ARID4B: variants seen among roughly 807,000 people sequenced by gnomAD.
ARID4B encodes AT-rich interactive domain-containing protein 4B.
A neutral mutation model predicts 147.5 loss-of-function variants in ARID4B; 26 were observed. The ratio of observed to expected loss-of-function variants is 0.18; its 90% CI spans 0.13 to 0.24. The LOEUF (loss-of-function observed/expected upper bound fraction) is 0.24, where lower values mean the gene tolerates loss of function less well. Ranked by LOEUF, ARID4B falls within the 10% of genes least tolerant of loss-of-function variation. ARID4B has a pLI of 1.00. For synonymous variants in ARID4B, 512 were observed against 507.9 expected, an observed-to-expected ratio of 1.01 and a Z score of -0.11; for missense variants, 1,179 against 1,511.5, an observed-to-expected ratio of 0.78 and a Z score of 3.65.
intron 2 of ARID4B, among the ~76,000 whole-genome samples, chr1:235,311,208 C>A (rs1359943446): frequency 1.3e-5 from 2 of 151,806 alleles, no homozygotes; most frequent in East Asian, 3.9e-4. Context: ...TATAAAAAAT[C>A]AACCTATGGT....
intron 2 of ARID4B, among the ~76,000 whole-genome samples, chr1:235,265,509 G>A (rs1670544844): frequency 6.6e-6 from 1 of 151,948 alleles, no homozygotes. Context: ...AACCAGACTG[G>A]GCAACATGGC....
chr1:235,176,437 CAAAAAAAAAAA>C (rs34808765), intron 21 of ARID4B, among the ~76,000 whole-genome samples: 350 of 22,538 alleles, frequency 0.016, 3 homozygotes, highest in African/African-American at 0.03. Context: ...ACAACATCAC[CAAAAAAAAAAA>C]AAAAAAAAAA....
chr1:235,200,162 G>A (rs1299508529), intron 17 of ARID4B, among the ~76,000 whole-genome samples: 1 of 151,482 alleles, frequency 6.6e-6, no homozygotes, highest in African/African-American at 2.4e-5. Context: ...CTAACAAAAA[G>A]ATAAAAATTA....
intron 8 of ARID4B, among the ~76,000 whole-genome samples, chr1:235,236,410 T>A (rs926672089): frequency 2.0e-5 from 3 of 152,068 alleles, no homozygotes; most frequent in African/African-American, 7.2e-5. Flanking sequence ...GTGATTATGG[T>A]GTGAGAAGCT....
intron 17 of ARID4B, among the ~76,000 whole-genome samples, chr1:235,210,199 T>G (rs1033627934): frequency 6.6e-6 from 1 of 152,022 alleles, no homozygotes; most frequent in Non-Finnish European, 1.5e-5. Flanking sequence ...CACTCCAGCC[T>G]GGGTGACAGA....
intron 6 of ARID4B, among the ~76,000 whole-genome samples, chr1:235,250,028 A>G (rs1218684791): frequency 6.6e-6 from 1 of 151,872 alleles, no homozygotes; most frequent in Non-Finnish European, 1.5e-5. Flanking sequence ...AATGGCGTGA[A>G]CCTGGGAGGC....
intron 20 of ARID4B, among the ~76,000 whole-genome samples, chr1:235,179,076 T>C (rs1414592021): frequency 1.3e-5 from 2 of 152,118 alleles, no homozygotes; most frequent in African/African-American, 2.4e-5. Context: ...TTCTAAAGTG[T>C]TCAGATACTA....
At chr1:235,283,948 A>G (rs1671817434) in intron 2 of ARID4B, among the ~76,000 whole-genome samples, 1 of 151,800 alleles carries the variant, frequency 6.6e-6, no homozygotes, top group African/African-American at 2.4e-5. Context: ...TGTTGGCCAG[A>G]CTGGTCTCAA....
chr1:235,187,418 G>T (rs1664773709), intron 19 of ARID4B, among the ~76,000 whole-genome samples: 1 of 152,186 alleles, frequency 6.6e-6, no homozygotes, highest in Non-Finnish European at 1.5e-5. Flanking sequence ...GGTTCTCTGA[G>T]ATTAACAAGA....
At chr1:235,211,311 T>C (rs116606940) in intron 17 of ARID4B, among the ~76,000 whole-genome samples, 2 of 151,658 alleles carry the variant, frequency 1.3e-5, no homozygotes, top group African/African-American at 4.8e-5. Context: ...AGGCTGGGCA[T>C]TAAGAGTGAA....
chr1:235,194,182 ATCTTTGTCTTTT>A lies in ARID4B; in HGVS notation c.1944_1955del (p.Glu648_Lys651del), dbSNP rs768066293. ...TACAGTTTTTTGGAGAGTATTTTTC[ATCTTTGTCTTTT>A]TCTTTGTCTAATTTATTCTAGGTTA... On this transcript the variant is annotated inframe_deletion, in exon 19 of 24. Transcript: ENST00000264183. 3.1e-6 allele frequency: 5 copies of A among 1,611,586 alleles called. No individual in the cohort carries two copies. Among genetic ancestry groups the A allele is most frequent in the Non-Finnish European group, 4.2e-6 (5 of 1,178,056 alleles).
chr1:235,299,338 C>G (rs1311417286), intron 2 of ARID4B, among the ~76,000 whole-genome samples: 1 of 152,102 alleles, frequency 6.6e-6, no homozygotes, highest in Admixed American at 6.6e-5. Context: ...CTCAGCCGCC[C>G]GAGTAGCTGG....
chr1:235,326,613 C>G (rs1021076825), intron 2 of ARID4B, among the ~76,000 whole-genome samples: 13 of 152,182 alleles, frequency 8.5e-5, no homozygotes, highest in Non-Finnish European at 1.6e-4. Context: ...GATTACCTGA[C>G]TTGCTTTTTA....
chr1:235,286,411 C>A (rs1671975571), intron 2 of ARID4B, among the ~76,000 whole-genome samples: 1 of 152,164 alleles, frequency 6.6e-6, no homozygotes, highest in Admixed American at 6.5e-5. Context: ...AAAACTCAGT[C>A]TTTGTTTTCA....
chr1:235,283,579 A>T (rs1671794731), intron 2 of ARID4B, among the ~76,000 whole-genome samples: 1 of 152,146 alleles, frequency 6.6e-6, no homozygotes, highest in Non-Finnish European at 1.5e-5. Flanking sequence ...AAAATCAAAT[A>T]AAATGCTTTA....
In ARID4B at chr1:235,234,497, T is replaced by C; in HGVS notation, c.586-5A>G. 6.3e-7 allele frequency: 1 copy of C among 1,588,502 alleles called. No individual in the cohort carries two copies. The highest frequency in any genetic ancestry group is 1.1e-5 in the South Asian group (1 of 89,192). Reference sequence around the variant, plus strand: ...ACTACAATCAGGACAAACCACCTTTTAAGAAAAAGGGTGAAGCTATTATAA... The same window carrying C: ...ACTACAATCAGGACAAACCACCTTTCAAGAAAAAGGGTGAAGCTATTATAA... On this transcript the variant is annotated splice_polypyrimidine_tract_variant and splice_region_variant and intron_variant, in intron 8 of 23. Transcript: ENST00000264183.
intron 2 of ARID4B, among the ~76,000 whole-genome samples, chr1:235,290,433 C>CA (rs35171807): frequency 0.32 from 41,761 of 131,866 alleles, 6,880 homozygotes; most frequent in South Asian, 0.54. Flanking sequence ...ATTCCATCAC[C>CA]AAAAAAAAAA....
intron 3 of ARID4B, among the ~76,000 whole-genome samples, chr1:235,258,562 C>A (rs960755365): frequency 6.6e-6 from 1 of 152,134 alleles, no homozygotes; most frequent in Non-Finnish European, 1.5e-5. Context: ...AACAAGATAG[C>A]TTCCACTACT....
At chr1:235,216,232 CA>C (rs1208889418) in intron 16 of ARID4B, among the ~76,000 whole-genome samples, 2 of 151,904 alleles carry the variant, frequency 1.3e-5, no homozygotes, top group African/African-American at 4.8e-5. Flanking sequence ...GACTCAGTTA[CA>C]GTCAAATATA....
Sources: allele counts gnomAD v4.1 joint callset (sites outside exome capture counted in the v4.1 genomes callset), GRCh38; gene constraint gnomAD v4.1.1; transcripts MANE v1.5; gene names NCBI Gene and HGNC (gene_info 2026-07-23, HGNC 2026-07-21).